ZNF836: variants seen among roughly 807,000 people sequenced by gnomAD.
ZNF836 encodes zinc finger protein 836.
A neutral mutation model predicts 7.4 loss-of-function variants in ZNF836; 12 were observed. The observed-to-expected ratio is 1.61, with a 90% CI of 1.03 to 2.61. The LOEUF (loss-of-function observed/expected upper bound fraction) is 2.61. Ranked by LOEUF, ZNF836 falls within the 30% of genes most tolerant of loss-of-function variation. ZNF836 has a pLI of 0.00. For missense variants in ZNF836, 998 were observed against 1,126.2 expected, an observed-to-expected ratio of 0.89 and a Z score of 1.63; for synonymous variants, 365 against 382.6, an observed-to-expected ratio of 0.95 and a Z score of 0.54.
At chr19:52,167,990 C>A in intron 3 of ZNF836, 68 bp downstream of exon 3, 1 of 1,227,708 alleles carries the variant, frequency 8.1e-7, no homozygotes, top group South Asian at 1.3e-5. Context: ...AGAGGAGATT[C>A]GCAACTCCAA....
chr19:52,169,809 A>G (rs2089294813), intron 1 of ZNF836, 28 bp from the exon 2 acceptor site: 1 of 151,672 alleles, frequency 6.6e-6, no homozygotes, highest in Admixed American at 6.6e-5. Context: ...AAAAAAAAAA[A>G]AAGACATACC....
chr19:52,155,395 G>A lies in ZNF836; in HGVS notation c.2288C>T (p.Ser763Leu), dbSNP rs781457359. 63 of 1,614,090 alleles carry A rather than the reference G, an allele frequency of 3.9e-5. No individual in the cohort carries two copies. In the East Asian group the frequency reaches 4.0e-4, roughly 10 times the overall value. The stretch of plus-strand genomic sequence containing the variant: ...AATTCTCCGATGCCTTGCAAGGTTC[G>A]AAGTGGAATTAAAGACCTGGCCACA... ...IECGQVFNST[S>L]NLARHRRIHT... is the part of the protein sequence containing the mutation. The change falls in exon 5 of 5, where the codon TCG becomes TTG. Residue 763 changes from serine (S) to leucine (L), a missense_variant. Transcript: ENST00000682614.
rs780094133 is a variant in ZNF836, at chr19:52,155,381, G to A, written c.2302C>T (p.His768Tyr). ...TTCTCTCCAGTGTGAATTCTCCGAT[G>A]CCTTGCAAGGTTCGAAGTGGAATTA... ...VFNSTSNLAR[H>Y]RRIHTGEKPY... is the part of the protein sequence containing the mutation. Residue 768 changes from histidine to tyrosine, a missense_variant, in exon 5 of 5, where the codon CAT becomes TAT. Physicochemically the swap from His to Tyr is moderately conservative, Grantham distance 83. Coordinates refer to ENST00000682614, the MANE Select transcript of ZNF836 (RefSeq NM_001102657.3). 6.2e-6 allele frequency: 10 copies of A among 1,614,024 alleles called. No individual in the cohort carries two copies.
chr19:52,155,233 A>G lies in ZNF836; in HGVS notation c.2450T>C (p.Val817Ala). Reference sequence around the variant, plus strand: ...CTGATGATTAACCAGAATTGAACGCACTCTAAAGGCTTTGCCACACTCATT... The same window carrying G: ...CTGATGATTAACCAGAATTGAACGCGCTCTAAAGGCTTTGCCACACTCATT... ...VCNECGKAFR[V>A]RSILVNHQKM... Residue 817 changes from valine to alanine, a missense_variant, in exon 5 of 5, where the codon GTG (valine) becomes GCG (alanine). Transcript: ENST00000682614. The G allele has an allele frequency of 1.9e-6, 3 of 1,613,268 alleles. No homozygotes were observed. The South Asian group carries it at 3.3e-5, about 18-fold the overall frequency.
In ZNF836 at chr19:52,161,125, C is replaced by A. The variant is rs1214795996; in HGVS notation, c.16-534G>T. 1.3e-5 allele frequency among the ~76,000 whole-genome samples: 2 copies of A among 152,142 alleles called. No individual in the cohort carries two copies. Among genetic ancestry groups the A allele is most frequent in the African/African-American group, 4.8e-5 (2 of 41,428 alleles). On this transcript the variant is annotated intron_variant, in intron 3 of 4. Transcript: ENST00000682614. This position sits in a 1 kb window ranked among gnomAD's most constrained non-coding sequence, Gnocchi z 4.1. ...GATTTGTTCCCATGTTACTAGGAGA[C>A]AACTATGTCACAGAAAACGCTAAAA...
rs184169625 is a variant in ZNF836 at position 52,154,751 on chromosome 19, A to T, written c.*121T>A. 2.3e-5 allele frequency: 21 copies of T among 895,314 alleles called. No homozygotes were observed. The African/African-American group carries it at 3.4e-4, about 14-fold the overall frequency. The allele number at this position is 895,314 out of a possible 1,614,324, so 55.5% of individuals were successfully genotyped here. A position where few individuals can be genotyped will look rare whatever the true frequency, so the allele number is the denominator to read the frequency against. ...GGGTGGTGCTAAACCATTCTTGAGA[A>T]ATCCACCCCTGTGATCCAATCATCT... On this transcript the variant is annotated 3_prime_UTR_variant, in exon 5 of 5. Coordinates refer to ENST00000682614, the MANE Select transcript of ZNF836 (RefSeq NM_001102657.3).
chr19:52,154,992 T>C lies in ZNF836; in HGVS notation c.2691A>G (p.Lys897=). 1 of 1,612,380 alleles carries C rather than the reference T, an allele frequency of 6.2e-7. No individual in the cohort carries two copies. Among genetic ancestry groups the C allele is most frequent in the Non-Finnish European group, 8.5e-7 (1 of 1,179,022 alleles). Residue 897 remains lysine, a synonymous_variant, in exon 5 of 5, where the codon AAA becomes AAG. Transcript: ENST00000682614. Reference sequence around the variant, plus strand: ...TGAGGCCTGAGCGACTAATGAAAGATTTGCCACACTCATTACATTTATAAG... The same window carrying C: ...TGAGGCCTGAGCGACTAATGAAAGACTTGCCACACTCATTACATTTATAAG... ...EKPYKCNECG[K]SFISRSGLTK...
At position 52,154,300 on chromosome 19, in the gene ZNF836, C is replaced by G. The variant is rs1260519926; in HGVS notation, c.*572G>C. ...CCTGGCCACAAGTGATCTGCCTGCT[C>G]CAACCTCCCTAAATGCTGGGATTAC... On this transcript the variant is annotated 3_prime_UTR_variant, in exon 5 of 5. Coordinates refer to ENST00000682614, the MANE Select transcript of ZNF836 (RefSeq NM_001102657.3). Among the ~76,000 whole-genome samples the G allele has an allele frequency of 6.6e-6, 1 of 151,940 alleles. No individual in the cohort carries two copies. The highest frequency in any genetic ancestry group is 1.5e-5 in the Non-Finnish European group (1 of 67,958).
intron 3 of ZNF836, among the ~76,000 whole-genome samples, chr19:52,165,666 T>G (rs2089256588): frequency 1.3e-5 from 2 of 152,256 alleles, no homozygotes; most frequent in Admixed American, 1.3e-4. Context: ...GAGTGATCGC[T>G]TCCTCTAGGA....
Position 52,155,938 on chromosome 19 carries a change from A to G in ZNF836, c.1745T>C (p.Phe582Ser). The G allele has an allele frequency of 6.2e-7, 1 of 1,612,622 alleles. No homozygotes were observed. Among genetic ancestry groups the G allele is most frequent in the Non-Finnish European group, 8.5e-7 (1 of 1,179,484 alleles). Reference protein sequence around the residue: ...HKRIHTGEKPFQCNECGTVFR... With the variant: ...HKRIHTGEKPSQCNECGTVFR... ...GACTGTGCCACATTCATTACATTGG[A>G]AAGGTTTCTCTCCCGTATGTATTCT... Residue 582 changes from phenylalanine (F) to serine (S), a missense_variant, in exon 5 of 5, where the codon TTC becomes TCC. Physicochemically the swap from Phe to Ser is radical, Grantham distance 155 (BLOSUM62 -2). Transcript: ENST00000682614.
chr19:52,156,923 C>T lies in ZNF836; in HGVS notation c.760G>A (p.Ala254Thr). The T allele has an allele frequency of 6.2e-7, 1 of 1,614,140 alleles. No homozygotes were observed. The highest frequency in any genetic ancestry group is 8.5e-7 in the Non-Finnish European group (1 of 1,180,016). The change falls in exon 5 of 5, where the codon GCC becomes ACC. Residue 254 changes from alanine to threonine, a missense_variant. Transcript: ENST00000682614. ...KPYKCNECGK[A>T]FHRGSLLTIH... ...GTTAGTAGTGAGCCCCGATGAAAGG[C>T]TTTGCCACATTCATTGCATTTGTAA...
At chr19:52,168,613 TAAA>T (rs781762681) in intron 2 of ZNF836, among the ~76,000 whole-genome samples, 25 of 151,982 alleles carry the variant, frequency 1.6e-4, no homozygotes, top group Non-Finnish European at 3.5e-4. Context: ...TCAATAAAAA[TAAA>T]AAAGAAAATG....
rs1360055764 is a variant in ZNF836, at chr19:52,171,326, T to C, written c.-215+10A>G. The C allele has an allele frequency of 3.3e-5, 5 of 152,436 alleles. No homozygotes were observed. Among genetic ancestry groups the C allele is most frequent in the Admixed American group, 3.3e-4 (5 of 15,286 alleles). 9.4% of individuals were successfully genotyped at this position (152,436 alleles called of 1,614,324 possible). A position where few individuals can be genotyped will look rare whatever the true frequency, so the allele number is the denominator to read the frequency against. ...TTTTAAACCGAAAGGGAAGCAATTA[T>C]CAGACTTACTTGGGGCGAAGGGGCT... is the stretch of plus-strand genomic sequence containing the variant. On this transcript the variant is annotated intron_variant, in intron 1 of 4. Transcript: ENST00000682614.
chr19:52,167,912 G>C, intron 3 of ZNF836, 146 bp downstream of exon 3: 2 of 687,794 alleles, frequency 2.9e-6, no homozygotes, highest in South Asian at 3.5e-5. Context: ...AGCTAAATGA[G>C]ATGAGAGAAA....
chr19:52,157,712 A>G (rs2089179017), intron 4 of ZNF836, among the ~76,000 whole-genome samples, 172 bp from the exon 5 acceptor site: 1 of 151,832 alleles, frequency 6.6e-6, no homozygotes, highest in East Asian at 1.9e-4. Flanking sequence ...CTGGGACTAC[A>G]GGCACACATC....
chr19:52,165,920 T>G (rs2089258595), intron 3 of ZNF836, among the ~76,000 whole-genome samples: 1 of 152,260 alleles, frequency 6.6e-6, no homozygotes, highest in Non-Finnish European at 1.5e-5. Context: ...TTTTTTTTAC[T>G]GCATTCTAGC....
chr19:52,157,004 A>C lies in ZNF836; in HGVS notation c.679T>G (p.Phe227Val). Reference protein sequence around the residue: ...PYMCKGCGKAFRVSSSLINHQ... With the variant: ...PYMCKGCGKAVRVSSSLINHQ... ...TTAATAAGACTTGAAGACACTCTAA[A>C]GGCTTTGCCACACCCTTTACACATA... The change falls in exon 5 of 5, where the codon TTT (phenylalanine) becomes GTT (valine). Residue 227 changes from phenylalanine to valine, a missense_variant. Physicochemically the swap from Phe to Val is conservative, Grantham distance 50 (BLOSUM62 -1). Coordinates refer to ENST00000682614, the MANE Select transcript of ZNF836 (RefSeq NM_001102657.3). The C allele has an allele frequency of 6.2e-7, 1 of 1,614,210 alleles. No homozygotes were observed. Among genetic ancestry groups the C allele is most frequent in the Non-Finnish European group, 8.5e-7 (1 of 1,180,032 alleles).
rs1290730851 is a variant in ZNF836, at chr19:52,157,027, A to G, written c.656T>C (p.Met219Thr). 5.0e-6 allele frequency: 8 copies of G among 1,614,028 alleles called. No individual in the cohort carries two copies. Among genetic ancestry groups the G allele is most frequent in the Non-Finnish European group, 5.9e-6 (7 of 1,180,008 alleles). ...EKTHIREKPY[M>T]CKGCGKAFRV... is the part of the protein sequence containing the mutation. ...AAAGGCTTTGCCACACCCTTTACAC[A>G]TATAAGGTTTTTCCCTAATGTGTGT... The change falls in exon 5 of 5, where the codon ATG (methionine) becomes ACG (threonine). Residue 219 changes from methionine (M) to threonine (T), a missense_variant. Coordinates refer to ENST00000682614, the MANE Select transcript of ZNF836 (RefSeq NM_001102657.3).
intron 3 of ZNF836, among the ~76,000 whole-genome samples, chr19:52,166,703 A>G (rs957794424): frequency 6.6e-6 from 1 of 150,712 alleles, no homozygotes; most frequent in African/African-American, 2.4e-5. Context: ...CCTCCCAAGT[A>G]GCTGGGACTA....
Sources: allele counts gnomAD v4.1 joint callset (sites outside exome capture counted in the v4.1 genomes callset), GRCh38; gene constraint gnomAD v4.1.1; non-coding constraint Gnocchi (gnomAD v3.1); transcripts MANE v1.5; gene names NCBI Gene and HGNC (gene_info 2026-07-23, HGNC 2026-07-21).